TTC6: variants seen among roughly 807,000 people sequenced by gnomAD.
The protein encoded by TTC6 is tetratricopeptide repeat domain 6, also known as tetratricopeptide repeat protein 6.
In TTC6, 172 loss-of-function variants were observed where a neutral mutation model predicts 210.4. The observed-to-expected ratio is 0.82, with a 90% CI of 0.72 to 0.93. TTC6 has a LOEUF of 0.93. Among genes scored for constraint, TTC6 ranks in the 40% least tolerant of loss-of-function variants. TTC6 has a pLI of 0.00. For synonymous variants in TTC6, 804 were observed against 819.6 expected (o/e 0.98, Z 0.32); for missense variants, 2,414 against 2,318.1 (o/e 1.04, Z -0.85).
At chr14:37,654,229 G>A (rs981225050) in intron 1 of TTC6, among the ~76,000 whole-genome samples, 2 of 152,058 alleles carry the variant, frequency 1.3e-5, no homozygotes, top group Admixed American at 6.6e-5. Flanking sequence ...TTGAGATAGC[G>A]AGTGAGTTAT....
intron 14 of TTC6, among the ~76,000 whole-genome samples, chr14:37,783,351 A>C (rs1595256846): frequency 6.6e-6 from 1 of 152,120 alleles, no homozygotes; most frequent in East Asian, 1.9e-4. Flanking sequence ...TTCCTGGTTT[A>C]GTCTTGGGAG....
intron 1 of TTC6, among the ~76,000 whole-genome samples, chr14:37,600,430 G>T (rs1566830905): frequency 6.6e-6 from 1 of 152,114 alleles, no homozygotes; most frequent in African/African-American, 2.4e-5. Flanking sequence ...CCTTCCTGAA[G>T]GGTCGACCAG....
intron 14 of TTC6, among the ~76,000 whole-genome samples, chr14:37,780,230 AT>A (rs1049583836): frequency 6.6e-6 from 1 of 152,132 alleles, no homozygotes; most frequent in African/African-American, 2.4e-5. Context: ...TTAGTGAAAC[AT>A]TTTTTTCCTC....
At chr14:37,696,896 C>A in intron 4 of TTC6, 61 bp downstream of exon 6, 1 of 631,778 alleles carries the variant, frequency 1.6e-6, no homozygotes, top group Non-Finnish European at 2.3e-6. Context: ...AGCATAGAGA[C>A]ATGAAAATAC....
chr14:37,734,426 G>C (rs989783826), intron 7 of TTC6, among the ~76,000 whole-genome samples: 2 of 152,116 alleles, frequency 1.3e-5, no homozygotes, highest in Middle Eastern at 3.2e-3. Flanking sequence ...AACATACTGA[G>C]AACAAAGCAT....
chr14:37,839,696 G>T (rs548164425), intron 29 of TTC6, among the ~76,000 whole-genome samples: 1 of 152,024 alleles, frequency 6.6e-6, no homozygotes, highest in Non-Finnish European at 1.5e-5. Flanking sequence ...CATTGCTTTT[G>T]GTGTTTTAGT....
rs1436184208 is a variant in TTC6, at chr14:37,820,944, TCTCCTCCTCCTTCTC to T, written c.4764-2791_4764-2777del. ...TCCTCCTTCTTCTCCTCCTCCTTCT[TCTCCTCCTCCTTCTC>T]CTCCTCCTCCTCTTCTTCCTCTTCA... is the stretch of plus-strand genomic sequence containing the variant. On this transcript the variant is annotated intron_variant, in intron 26 of 30. Coordinates refer to ENST00000553443, the Ensembl canonical transcript of TTC6. 2.9e-5 allele frequency among the ~76,000 whole-genome samples: 4 copies of T among 135,858 alleles called. No individual in the cohort carries two copies. In the East Asian group the frequency reaches 8.4e-4, roughly 29 times the overall value. The allele number at this position is 135,858 out of a possible 152,430, so 89.1% of individuals were successfully genotyped here.
intron 14 of TTC6, among the ~76,000 whole-genome samples, chr14:37,766,646 A>G (rs991046463): frequency 1.2e-4 from 18 of 152,206 alleles, no homozygotes; most frequent in East Asian, 1.9e-4. Context: ...TGTCTTTACT[A>G]TTGTGAAAAT....
chr14:37,823,634 T>G (rs1595316047), intron 26 of TTC6, 113 bp from the exon 29 acceptor site: 1 of 951,956 alleles, frequency 1.1e-6, no homozygotes, highest in East Asian at 2.6e-5. Flanking sequence ...ATGGAGATTT[T>G]TTAATGAGTC....
At chr14:37,602,283 G>GTTTTATTCTACATAAGATACAAAGTA (rs1451168563) in intron 1 of TTC6, among the ~76,000 whole-genome samples, 3 of 152,362 alleles carry the variant, frequency 2.0e-5, no homozygotes, top group East Asian at 3.9e-4. Context: ...GATACAGAGT[G>GTTTTATTCTACATAAGATACAAAGTA]TTTTATTCTA....
intron 3 of TTC6, among the ~76,000 whole-genome samples, chr14:37,692,423 G>C (rs1043928672): frequency 1.3e-5 from 2 of 151,748 alleles, no homozygotes; most frequent in African/African-American, 4.8e-5. Flanking sequence ...ACACATCCTA[G>C]CAACAGAATA....
chr14:37,641,072 T>C (rs764259870), intron 1 of TTC6, among the ~76,000 whole-genome samples: 10 of 152,228 alleles, frequency 6.6e-5, no homozygotes, highest in African/African-American at 1.9e-4. Context: ...AAGGAACTTA[T>C]ACAATTTAAA....
At chr14:37,632,384 G>A (rs190460903) in intron 1 of TTC6, among the ~76,000 whole-genome samples, 1 of 152,292 alleles carries the variant, frequency 6.6e-6, no homozygotes, top group East Asian at 1.9e-4. Context: ...CCCTGCTGCA[G>A]GTCTGCTGGA....
rs536069455 is a variant in TTC6 at position 37,838,421 on chromosome 14, C to G, written c.5299-3024C>G. 7.9e-5 allele frequency among the ~76,000 whole-genome samples: 12 copies of G among 152,254 alleles called. No homozygotes were observed. In the South Asian group the frequency reaches 2.5e-3, roughly 32 times the overall value. On this transcript the variant is annotated intron_variant, in intron 29 of 30. Transcript: ENST00000553443. ...AGAGCTCTAGCAAATGGTTCTTGGA[C>G]CAGTACTCCAATACTGTTTTGCAGA...
chr14:37,606,752 C>A lies in TTC6; in HGVS notation c.-155+10C>A. 1.0e-6 allele frequency: 1 copy of A among 985,288 alleles called. No homozygotes were observed. Among genetic ancestry groups the A allele is most frequent in the Non-Finnish European group, 1.2e-6 (1 of 829,914 alleles). The allele number at this position is 985,288 out of a possible 1,614,324, so 61.0% of individuals were successfully genotyped here. On this transcript the variant is annotated intron_variant, in intron 2 of 2. Transcript: ENST00000556845. The stretch of plus-strand genomic sequence containing the variant: ...GATTCATGGAAGTGAGGTATGATGT[C>A]TTCAGTTCTTTCCAGTTCATCCTCA...
At chr14:37,740,162 C>A (rs201508453) in intron 10 of TTC6, among the ~76,000 whole-genome samples, 1,322 of 129,312 alleles carry the variant, frequency 0.01, no homozygotes, top group Non-Finnish European at 0.013. Context: ...GACTCCGTCT[C>A]AAAAAAAAAA....
exon 8 of TTC6, chr14:37,735,948 G>A: frequency 6.5e-7 from 1 of 1,533,698 alleles, no homozygotes; most frequent in Non-Finnish European, 8.7e-7. Context: ...ACTTTTAACT[G>A]ATAAATTGTC....
chr14:37,627,271 C>T (rs1271797647), intron 1 of TTC6, among the ~76,000 whole-genome samples: 5 of 151,914 alleles, frequency 3.3e-5, no homozygotes, highest in African/African-American at 9.7e-5. Flanking sequence ...TATAAATTAC[C>T]CAGTCTCTGG....
Position 37,804,822 on chromosome 14 carries a change from G to A in TTC6, c.4164+8G>A, listed in dbSNP as rs761571588. On this transcript the variant is annotated splice_region_variant and intron_variant, in intron 21 of 30. Coordinates refer to ENST00000553443, the Ensembl canonical transcript of TTC6. Reference sequence around the variant, plus strand: ...GAAGGCAATTTACAAATGGTATTTCGTGTATTTAGGAGTATAGATTATTTG... The same window carrying A: ...GAAGGCAATTTACAAATGGTATTTCATGTATTTAGGAGTATAGATTATTTG... The A allele has an allele frequency of 2.1e-5, 34 of 1,612,544 alleles. No homozygotes were observed. The highest frequency in any genetic ancestry group is 2.0e-4 in the Admixed American group (12 of 59,754).
Sources: allele counts gnomAD v4.1 joint callset (sites outside exome capture counted in the v4.1 genomes callset), GRCh38; gene constraint gnomAD v4.1.1; transcripts MANE v1.5; gene names NCBI Gene and HGNC (gene_info 2026-07-23, HGNC 2026-07-21).